TLE1: variants seen among roughly 807,000 people sequenced by gnomAD.
TLE1 encodes TLE family member 1, transcriptional corepressor, also known as transducin-like enhancer protein 1.
In TLE1, 21 loss-of-function variants were observed where a neutral mutation model predicts 89.8. The ratio of observed to expected loss-of-function variants is 0.23; its 90% CI spans 0.17 to 0.34. The LOEUF (loss-of-function observed/expected upper bound fraction) is 0.34. Among genes scored for constraint, TLE1 ranks in the 10% least tolerant of loss-of-function variants. TLE1 has a pLI of 1.00. For synonymous variants in TLE1, 447 were observed against 407.6 expected (o/e 1.10, Z -1.16); for missense variants, 795 against 1,031.2 (o/e 0.77, Z 3.14).
At chr9:81,683,131 T>C (rs1208366537) in intron 4 of TLE1, among the ~76,000 whole-genome samples, 2 of 152,014 alleles carry the variant, frequency 1.3e-5, no homozygotes, top group African/African-American at 2.4e-5. Flanking sequence ...GACAAACCCG[T>C]TGAAAGGTGG....
At chr9:81,654,344 T>C (rs904622795) in intron 4 of TLE1, among the ~76,000 whole-genome samples, 3 of 152,102 alleles carry the variant, frequency 2.0e-5, no homozygotes, top group African/African-American at 7.2e-5. Flanking sequence ...TATACACATA[T>C]ATATATGTAT....
intron 4 of TLE1, among the ~76,000 whole-genome samples, chr9:81,677,793 A>G (rs1833092675): frequency 6.6e-6 from 1 of 152,114 alleles, no homozygotes; most frequent in African/African-American, 2.4e-5. Context: ...GACTGATTCC[A>G]CTTCATCTAA....
At chr9:81,588,186 C>T (rs913198096) in intron 16 of TLE1, among the ~76,000 whole-genome samples, 1 of 152,132 alleles carries the variant, frequency 6.6e-6, no homozygotes, top group East Asian at 1.9e-4. Flanking sequence ...AAAAGACAAA[C>T]ACACAAAATC....
intron 14 of TLE1, among the ~76,000 whole-genome samples, chr9:81,606,043 G>C (rs1416327887): frequency 1.3e-5 from 2 of 152,208 alleles, no homozygotes; most frequent in Non-Finnish European, 2.9e-5. Flanking sequence ...CTGGCCATCA[G>C]AGAAATGCAA....
At chr9:81,683,087 G>C (rs1392488066) in intron 4 of TLE1, among the ~76,000 whole-genome samples, 1 of 152,228 alleles carries the variant, frequency 6.6e-6, no homozygotes, top group African/African-American at 2.4e-5. Context: ...AGTCAGCAGT[G>C]AGATTTGACA....
At chr9:81,675,565 C>G (rs866867693) in intron 4 of TLE1, among the ~76,000 whole-genome samples, 1 of 152,086 alleles carries the variant, frequency 6.6e-6, no homozygotes, top group African/African-American at 2.4e-5. Flanking sequence ...CAATAAAACT[C>G]CTCACTAAGA....
chr9:81,627,321 T>C (rs1826028875), intron 8 of TLE1, among the ~76,000 whole-genome samples: 1 of 150,862 alleles, frequency 6.6e-6, no homozygotes, highest in Non-Finnish European at 1.5e-5. Context: ...TCTCTCACTT[T>C]TTTTTTTTTA....
chr9:81,685,330 T>A (rs900452622), intron 4 of TLE1, among the ~76,000 whole-genome samples: 10 of 152,018 alleles, frequency 6.6e-5, no homozygotes, highest in Non-Finnish European at 1.3e-4. Flanking sequence ...ACAAAAACAT[T>A]AACTATTCTA....
chr9:81,686,132 G>A (rs1052785187), intron 2 of TLE1, among the ~76,000 whole-genome samples: 1 of 152,106 alleles, frequency 6.6e-6, no homozygotes, highest in Admixed American at 6.6e-5. Flanking sequence ...TAGATGACAA[G>A]AATGAAAAAA....
At chr9:81,653,143 A>G (rs1829760834) in intron 5 of TLE1, among the ~76,000 whole-genome samples, 1 of 152,240 alleles carries the variant, frequency 6.6e-6, no homozygotes, top group African/African-American at 2.4e-5. Context: ...CTATTGTCAT[A>G]TCAGACAGAC....
chr9:81,585,197 C>G (rs1452264971), intron 18 of TLE1, among the ~76,000 whole-genome samples: 1 of 152,154 alleles, frequency 6.6e-6, no homozygotes, highest in Non-Finnish European at 1.5e-5. Flanking sequence ...CTGCTCCATT[C>G]TTCAATAAAT....
chr9:81,621,370 A>G (rs1283425013), intron 8 of TLE1, among the ~76,000 whole-genome samples: 1 of 152,188 alleles, frequency 6.6e-6, no homozygotes, highest in Non-Finnish European at 1.5e-5. Context: ...GCATCAGAAC[A>G]TGTTACAATG....
In TLE1 at chr9:81,591,008, G is replaced by C; in HGVS notation, c.1626C>G (p.Gly542=). The C allele has an allele frequency of 6.2e-7, 1 of 1,614,240 alleles. No homozygotes were observed. ...YIRSCKLLPD[G]CTLIVGGEAS... ...CTTCCCCTCCCACTATGAGAGTGCA[G>C]CCATCGGGTAGCAATTTACAGGAAC... is the stretch of plus-strand genomic sequence containing the variant. The change falls in exon 16 of 20, where the codon GGC becomes GGG. Residue 542 remains glycine (G), a synonymous_variant. Coordinates refer to ENST00000376499, the MANE Select transcript of TLE1 (RefSeq NM_005077.5).
intron 8 of TLE1, among the ~76,000 whole-genome samples, chr9:81,624,322 C>CAA (rs1203788884): frequency 6.6e-6 from 1 of 152,036 alleles, no homozygotes; most frequent in Non-Finnish European, 1.5e-5. Flanking sequence ...CCTGCCTTTC[C>CAA]ACTCAGAACC....
chr9:81,593,262 G>A lies in TLE1; in HGVS notation c.1344C>T (p.Phe448=), dbSNP rs1458413923. ...GIPGGKPAYS[F]HVTADGQMQP... is the part of the protein sequence containing the mutation. Reference sequence around the variant, plus strand: ...GCATCTGACCGTCTGCAGTAACGTGGAAGGAGTATGCACTTTTGGAAAAAC... The same window carrying A: ...GCATCTGACCGTCTGCAGTAACGTGAAAGGAGTATGCACTTTTGGAAAAAC... Residue 448 remains phenylalanine, a synonymous_variant, in exon 15 of 20, where the codon TTC becomes TTT. Transcript: ENST00000376499. The A allele has an allele frequency of 2.5e-6, 4 of 1,612,678 alleles. No individual in the cohort carries two copies. Among genetic ancestry groups the A allele is most frequent in the Non-Finnish European group, 3.4e-6 (4 of 1,178,918 alleles).
chr9:81,639,866 C>T (rs1827891021), intron 6 of TLE1, among the ~76,000 whole-genome samples: 1 of 152,134 alleles, frequency 6.6e-6, no homozygotes, highest in African/African-American at 2.4e-5. Flanking sequence ...TTACAACAGG[C>T]ATGAACCACC....
intron 8 of TLE1, among the ~76,000 whole-genome samples, chr9:81,629,967 T>G (rs1826367184): frequency 6.6e-6 from 1 of 152,178 alleles, no homozygotes. Flanking sequence ...ATAAAATCTT[T>G]AACTAGCAAA....
chr9:81,587,507 G>A (rs1265036881), intron 17 of TLE1, among the ~76,000 whole-genome samples, 174 bp downstream of exon 17: 1 of 152,140 alleles, frequency 6.6e-6, no homozygotes, highest in Admixed American at 6.5e-5. Context: ...GGTAGGGGGA[G>A]GGTCGTGAAG....
chr9:81,615,593 A>T, intron 11 of TLE1, among the ~76,000 whole-genome samples: 1 of 151,034 alleles, frequency 6.6e-6, no homozygotes, highest in East Asian at 2.0e-4. Flanking sequence ...CGCGCCTGTA[A>T]TCCCAGCTAC....
Sources: gnomAD v4.1 joint callset for allele counts (sites outside exome capture counted in the v4.1 genomes callset) on GRCh38, gnomAD v4.1.1 for gene constraint, MANE v1.5 for transcripts, NCBI Gene and HGNC (gene_info 2026-07-23, HGNC 2026-07-21) for gene names.